Variants in NFIB observed in about 807,000 individuals in gnomAD.
The protein encoded by NFIB is nuclear factor 1 B-type.
NFIB carries 11 observed loss-of-function variants against 61.5 expected under a neutral mutation model. That is an observed-to-expected ratio of 0.18 (90% CI 0.11 to 0.30). NFIB has a LOEUF of 0.30. Ranked by LOEUF, NFIB falls within the 10% of genes least tolerant of loss-of-function variation. NFIB has a pLI of 1.00. For missense variants in NFIB, 471 were observed against 608.9 expected (o/e 0.77, Z 2.38); for synonymous variants, 260 against 216.5 (o/e 1.20, Z -1.76).
intron 1 of NFIB, among the ~76,000 whole-genome samples, chr9:14,311,237 C>A (rs1383874498): frequency 1.3e-5 from 2 of 151,964 alleles, no homozygotes; most frequent in African/African-American, 4.8e-5. Flanking sequence ...TACCTTATTG[C>A]AACAATTGAG....
intron 2 of NFIB, among the ~76,000 whole-genome samples, chr9:14,302,533 G>A (rs920446967): frequency 6.6e-6 from 1 of 152,112 alleles, no homozygotes; most frequent in Non-Finnish European, 1.5e-5. Flanking sequence ...TGAGGTTTCT[G>A]GGCTCTCTTT....
intron 10 of NFIB, among the ~76,000 whole-genome samples, chr9:14,107,079 A>G (rs546847311): frequency 3.3e-5 from 5 of 152,152 alleles, no homozygotes; most frequent in African/African-American, 1.2e-4. Context: ...AATGAAACAG[A>G]TTTTTAAGGG....
At chr9:14,284,810 T>A (rs1238181218) in intron 2 of NFIB, among the ~76,000 whole-genome samples, 1 of 152,184 alleles carries the variant, frequency 6.6e-6, no homozygotes, top group Non-Finnish European at 1.5e-5. Flanking sequence ...ATAGGGAAGA[T>A]CTTTATCATA....
intron 2 of NFIB, among the ~76,000 whole-genome samples, chr9:14,234,900 G>A (rs2053590482): frequency 6.6e-6 from 1 of 150,700 alleles, no homozygotes; most frequent in Admixed American, 6.6e-5. Context: ...GAAATCACTG[G>A]ATCAACCAGG....
rs907049044 is a variant in NFIB, at chr9:14,085,731, A to C, written c.*2578T>G. 2 of 219,678 alleles carry C rather than the reference A, an allele frequency of 9.1e-6. No homozygotes were observed. The highest frequency in any genetic ancestry group is 2.2e-5 in the African/African-American group (1 of 44,606). The allele number at this position is 219,678 out of a possible 1,614,324, so 13.6% of individuals were successfully genotyped here. On this transcript the variant is annotated 3_prime_UTR_variant, in exon 11 of 11. Transcript: ENST00000380953. ...ATCCAAGTGCACTGCCATCCATTTGAAGTAGTAAGTCACAGGTAAATCATA... is the reference window on the plus strand; with the variant it reads ...ATCCAAGTGCACTGCCATCCATTTGCAGTAGTAAGTCACAGGTAAATCATA...
chr9:14,250,267 CT>C (rs3834711), intron 2 of NFIB, among the ~76,000 whole-genome samples: 2 of 151,800 alleles, frequency 1.3e-5, no homozygotes, highest in South Asian at 4.2e-4. Flanking sequence ...CATATAATAT[CT>C]TTTTTTGTTT....
chr9:14,329,939 C>T (rs1056362367), intron 1 of NFIB, among the ~76,000 whole-genome samples: 2 of 151,678 alleles, frequency 1.3e-5, no homozygotes, highest in South Asian at 2.1e-4. Flanking sequence ...CTGGCTAATA[C>T]GGTGAAACCC....
At chr9:14,332,237 G>A (rs996741762) in intron 1 of NFIB, among the ~76,000 whole-genome samples, 12 of 150,928 alleles carry the variant, frequency 8.0e-5, no homozygotes, top group African/African-American at 2.7e-4. Flanking sequence ...GGAGGCTGAG[G>A]CAGGAGAATC....
the NFIB span, among the ~76,000 whole-genome samples, chr9:14,502,479 G>C: frequency 6.6e-6 from 1 of 152,176 alleles, no homozygotes; most frequent in Non-Finnish European, 1.5e-5. Flanking sequence ...GCATTGGAAA[G>C]AAAGTGGTGC....
chr9:14,254,641 C>T lies in NFIB; in HGVS notation c.562+52348G>A, dbSNP rs189249934. ...AAAGGCCCTCCACTGATCCAAAAGCCCATCTGCTATAATATTAGTGTTAAT... is the reference window on the plus strand; with the variant it reads ...AAAGGCCCTCCACTGATCCAAAAGCTCATCTGCTATAATATTAGTGTTAAT... On this transcript the variant is annotated intron_variant, in intron 2 of 10. Transcript: ENST00000380953. Among the ~76,000 whole-genome samples the T allele has an allele frequency of 3.9e-4, 59 of 152,242 alleles. 1 individual carries two copies. Among genetic ancestry groups the T allele is most frequent in the African/African-American group, 1.4e-3 (59 of 41,536 alleles).
intron 2 of NFIB, among the ~76,000 whole-genome samples, chr9:14,185,247 A>G (rs7035474): frequency 0.73 from 110,576 of 152,062 alleles, 43,725 homozygotes; most frequent in South Asian, 0.94. Flanking sequence ...TGACCTTAGG[A>G]ACAATGCCGT....
At chr9:14,455,650 A>G in the NFIB span, among the ~76,000 whole-genome samples, 1 of 152,208 alleles carries the variant, frequency 6.6e-6, no homozygotes, top group South Asian at 2.1e-4. Flanking sequence ...TTGAGAGGCT[A>G]GAAACAGTTA....
At chr9:14,386,570 A>G (rs941786196) in intron 1 of NFIB, among the ~76,000 whole-genome samples, 2 of 151,764 alleles carry the variant, frequency 1.3e-5, no homozygotes, top group African/African-American at 2.4e-5. Context: ...AAATATTTTT[A>G]TCATGCATTC....
intron 2 of NFIB, among the ~76,000 whole-genome samples, chr9:14,285,288 A>G (rs2058636008): frequency 1.3e-5 from 2 of 151,946 alleles, no homozygotes; most frequent in Non-Finnish European, 2.9e-5. Context: ...ACACCTGGCT[A>G]ATTTTTGTAT....
chr9:14,318,299 A>G (rs1054150712), upstream of NFIB, among the ~76,000 whole-genome samples: 7 of 152,196 alleles, frequency 4.6e-5, no homozygotes, highest in Non-Finnish European at 7.3e-5. Context: ...ACCCAGTTGT[A>G]TATTTGAAAT....
At position 14,273,033 on chromosome 9, in the gene NFIB, G is replaced by C. The variant is rs543579895; in HGVS notation, c.562+33956C>G. On this transcript the variant is annotated intron_variant, in intron 2 of 10. Coordinates refer to ENST00000380953, the MANE Select transcript of NFIB (RefSeq NM_001190737.2). The stretch of plus-strand genomic sequence containing the variant: ...AAAATGAATTAAGATTATATTGAGA[G>C]TGTCAGTCCTAAGTCAAGAAAACAT... 7.2e-5 allele frequency among the ~76,000 whole-genome samples: 11 copies of C among 152,258 alleles called. No homozygotes were observed. In the South Asian group the frequency reaches 2.3e-3, roughly 32 times the overall value.
intron 2 of NFIB, among the ~76,000 whole-genome samples, chr9:14,216,526 CTCTCTCTCTCTCTCTCCCTCTGTGTGTG>C (rs1416332214): frequency 0.017 from 888 of 52,466 alleles, 6 homozygotes; most frequent in Middle Eastern, 0.023. Flanking sequence ...CTCTCTCTCT[CTCTCTCTCTCTCTCTCCCTCTGTGTGTG>C]TGTGTGTGTG....
At chr9:14,125,818 G>T (rs961839403) in intron 6 of NFIB, 52 bp from the exon 7 acceptor site, 2 of 1,587,020 alleles carry the variant, frequency 1.3e-6, no homozygotes, top group Non-Finnish European at 1.7e-6. Flanking sequence ...TAAGCTCTAA[G>T]GTTCATGTCA....
intron 1 of NFIB, among the ~76,000 whole-genome samples, chr9:14,330,181 C>T (rs893261105): frequency 6.6e-6 from 1 of 152,058 alleles, no homozygotes; most frequent in African/African-American, 2.4e-5. Context: ...TAACAGAATG[C>T]AAGTGAGGGA....
Sources: allele counts gnomAD v4.1 joint callset (sites outside exome capture counted in the v4.1 genomes callset), GRCh38; gene constraint gnomAD v4.1.1; transcripts MANE v1.5; gene names NCBI Gene and HGNC (gene_info 2026-07-23, HGNC 2026-07-21).